DYNC1I2: variants seen among roughly 807,000 people sequenced by gnomAD.
DYNC1I2 encodes cytoplasmic dynein 1 intermediate chain 2.
A neutral mutation model predicts 88.6 loss-of-function variants in DYNC1I2; 53 were observed. That is an observed-to-expected ratio of 0.60 (90% CI 0.48 to 0.75). DYNC1I2 has a LOEUF of 0.75. Ranked by LOEUF, DYNC1I2 falls within the 30% of genes least tolerant of loss-of-function variation. The pLI is 0.00. For synonymous variants in DYNC1I2, 198 were observed against 254.6 expected, an observed-to-expected ratio of 0.78 and a Z score of 2.12; for missense variants, 458 against 766.6, an observed-to-expected ratio of 0.60 and a Z score of 4.75.
Position 171,707,277 on chromosome 2 carries a change from C to G in DYNC1I2, c.245-10C>G. 1 of 1,613,740 alleles carries G rather than the reference C, an allele frequency of 6.2e-7. No homozygotes were observed. Among genetic ancestry groups the G allele is most frequent in the Non-Finnish European group, 8.5e-7 (1 of 1,179,720 alleles). On this transcript the variant is annotated splice_polypyrimidine_tract_variant and intron_variant, in intron 4 of 17. Coordinates refer to ENST00000397119, the MANE Select transcript of DYNC1I2 (RefSeq NM_001378.3). ...AGTAACAGCGGATACCTGTCTATTT[C>G]ACTATTTAGTCCCTCCTCCTATGTC...
intron 15 of DYNC1I2, among the ~76,000 whole-genome samples, chr2:171,733,703 T>G (rs1384906850): frequency 6.6e-6 from 1 of 151,778 alleles, no homozygotes; most frequent in African/African-American, 2.4e-5. Context: ...ATTGTAGAAT[T>G]TTTCTCCCTT....
intron 15 of DYNC1I2, among the ~76,000 whole-genome samples, chr2:171,741,661 G>A (rs941658330): frequency 6.6e-6 from 1 of 152,128 alleles, no homozygotes; most frequent in Non-Finnish European, 1.5e-5. Flanking sequence ...AAGCCCAAAA[G>A]TATTTAATTT....
chr2:171,720,760 T>TA (rs1185166376), intron 7 of DYNC1I2, among the ~76,000 whole-genome samples: 2 of 152,128 alleles, frequency 1.3e-5, no homozygotes, highest in African/African-American at 2.4e-5. Context: ...AATGGATTTT[T>TA]AAAAGATTTT....
chr2:171,721,661 C>T (rs189269353), intron 7 of DYNC1I2, among the ~76,000 whole-genome samples: 1 of 152,194 alleles, frequency 6.6e-6, no homozygotes, highest in East Asian at 1.9e-4. Context: ...TTATATGCAG[C>T]AAATGTCCTG....
intron 6 of DYNC1I2, among the ~76,000 whole-genome samples, chr2:171,713,675 CCTGA>C (rs891083868): frequency 1.3e-5 from 2 of 152,038 alleles, no homozygotes; most frequent in Non-Finnish European, 2.9e-5. Flanking sequence ...TGCCATTTTG[CCTGA>C]CTCAGATAGC....
intron 3 of DYNC1I2, among the ~76,000 whole-genome samples, chr2:171,700,781 G>A (rs879284214): frequency 6.6e-5 from 10 of 151,990 alleles, no homozygotes; most frequent in African/African-American, 1.7e-4. Context: ...ACAGGCGCCC[G>A]CCACCACGCC....
Position 171,744,105 on chromosome 2 carries a change from G to C in DYNC1I2, c.1593G>C (p.Met531Ile), listed in dbSNP as rs1689628956. ...ATGCAGACTATGTTTATGATGTTAT[G>C]TGGTCACCTACCCACCCAGCCCTGT... The part of the protein sequence containing the change: ...EDNADYVYDV[M>I]WSPTHPALFA... Residue 531 changes from methionine (M) to isoleucine (I), a missense_variant, in exon 16 of 18, where the codon ATG becomes ATC. This residue lies in a region of DYNC1I2 where 188 missense variants were observed against 300.4 expected (regional missense o/e 0.63). Transcript: ENST00000397119. 1.2e-6 allele frequency: 2 copies of C among 1,613,126 alleles called. No individual in the cohort carries two copies. Among genetic ancestry groups the C allele is most frequent in the Non-Finnish European group, 1.7e-6 (2 of 1,179,624 alleles).
intron 7 of DYNC1I2, among the ~76,000 whole-genome samples, chr2:171,724,815 C>T (rs1688128501): frequency 6.6e-6 from 1 of 152,058 alleles, no homozygotes; most frequent in Non-Finnish European, 1.5e-5. Flanking sequence ...AAAAGGTGGG[C>T]AGGGTTATGT....
chr2:171,706,755 G>C, intron 4 of DYNC1I2, 191 bp downstream of exon 4: 1 of 482,646 alleles, frequency 2.1e-6, no homozygotes, highest in Non-Finnish European at 3.6e-6. Context: ...TCTTTTTTTG[G>C]GGGGGAGGCA....
At chr2:171,692,398 TTGTA>T (rs1360517825) in intron 2 of DYNC1I2, among the ~76,000 whole-genome samples, 1 of 152,176 alleles carries the variant, frequency 6.6e-6, no homozygotes, top group Non-Finnish European at 1.5e-5. Context: ...AATTTTTTCA[TTGTA>T]TGTGATATTG....
intron 3 of DYNC1I2, chr2:171,693,120 T>A (rs6757773): frequency 0.73 from 331,821 of 455,942 alleles, 122,050 homozygotes; most frequent in South Asian, 0.83. Context: ...GAACTACCAA[T>A]TGACTTCTCT....
chr2:171,708,893 A>G (rs899864829), intron 5 of DYNC1I2, among the ~76,000 whole-genome samples: 8 of 151,954 alleles, frequency 5.3e-5, no homozygotes, highest in Non-Finnish European at 1.0e-4. Flanking sequence ...GGGTTTTGCC[A>G]TATTGCCCAG....
intron 17 of DYNC1I2, among the ~76,000 whole-genome samples, chr2:171,746,140 A>G (rs952436408): frequency 6.6e-6 from 1 of 152,230 alleles, no homozygotes; most frequent in African/African-American, 2.4e-5. Flanking sequence ...TTTTGAGGGT[A>G]ATACAATAAA....
At chr2:171,739,149 A>G (rs577559945) in intron 15 of DYNC1I2, among the ~76,000 whole-genome samples, 1 of 151,770 alleles carries the variant, frequency 6.6e-6, no homozygotes, top group South Asian at 2.1e-4. Context: ...GTGAGACTTC[A>G]TTTGGTGGTG....
At chr2:171,697,620 G>A (rs1302050295) in intron 3 of DYNC1I2, among the ~76,000 whole-genome samples, 1 of 151,964 alleles carries the variant, frequency 6.6e-6, no homozygotes, top group Non-Finnish European at 1.5e-5. Flanking sequence ...GGCTGAGGTA[G>A]GTGGATCACT....
intron 15 of DYNC1I2, among the ~76,000 whole-genome samples, chr2:171,739,462 C>T (rs78000060): frequency 0.011 from 1,729 of 152,062 alleles, 34 homozygotes; most frequent in African/African-American, 0.035. Context: ...ATAACCTCTG[C>T]AATATTAAAA....
intron 4 of DYNC1I2, chr2:171,706,863 TAATG>T (rs1243019199): frequency 4.9e-6 from 2 of 404,626 alleles, no homozygotes; most frequent in Non-Finnish European, 8.7e-6. Context: ...TTAAATAACT[TAATG>T]AAACATATTT....
At chr2:171,694,749 C>T (rs1685638192) in intron 3 of DYNC1I2, among the ~76,000 whole-genome samples, 1 of 152,158 alleles carries the variant, frequency 6.6e-6, no homozygotes, top group South Asian at 2.1e-4. Context: ...CCTCAGGAAG[C>T]TTCTAATCAT....
intron 2 of DYNC1I2, among the ~76,000 whole-genome samples, chr2:171,691,156 G>A (rs1685377604): frequency 6.6e-6 from 1 of 152,150 alleles, no homozygotes; most frequent in Non-Finnish European, 1.5e-5. Flanking sequence ...GTTAGTCATT[G>A]AAATATTTTT....
Sources: gnomAD v4.1 joint callset for allele counts (sites outside exome capture counted in the v4.1 genomes callset) on GRCh38, gnomAD v4.1.1 for gene constraint, gnomAD v4.1.1 regional missense constraint, MANE v1.5 for transcripts, NCBI Gene and HGNC (gene_info 2026-07-23, HGNC 2026-07-21) for gene names.